MCTP1: variants seen among roughly 807,000 people sequenced by gnomAD.
MCTP1 encodes multiple C2 and transmembrane domain containing 1, also known as multiple C2 and transmembrane domain-containing protein 1.
Under a neutral mutation model 120.6 loss-of-function variants are expected in MCTP1, and 69 were observed. That is an observed-to-expected ratio of 0.57 (90% CI 0.47 to 0.70). MCTP1 has a LOEUF of 0.70. Ranked by LOEUF, MCTP1 falls within the 30% of genes least tolerant of loss-of-function variation. The pLI, the probability that MCTP1 is intolerant of heterozygous loss-of-function variation, is 0.00. For missense variants in MCTP1, 1,203 were observed against 1,248.8 expected, an observed-to-expected ratio of 0.96 and a Z score of 0.55; for synonymous variants, 529 against 493.1, an observed-to-expected ratio of 1.07 and a Z score of -0.96.
chr5:94,776,061 C>A (rs1292690431), intron 19 of MCTP1, among the ~76,000 whole-genome samples: 1 of 150,882 alleles, frequency 6.6e-6, no homozygotes, highest in Non-Finnish European at 1.5e-5. Flanking sequence ...CAACTTTAAC[C>A]AAAGTCTTCC....
At chr5:95,163,172 A>G (rs900146303) in intron 1 of MCTP1, among the ~76,000 whole-genome samples, 2 of 152,196 alleles carry the variant, frequency 1.3e-5, no homozygotes, top group Non-Finnish European at 2.9e-5. Flanking sequence ...AAGATTTAGT[A>G]TAGTGAAGGA....
chr5:94,930,466 G>C (rs1814382329), intron 6 of MCTP1, among the ~76,000 whole-genome samples: 1 of 151,386 alleles, frequency 6.6e-6, no homozygotes, highest in Non-Finnish European at 1.5e-5. Context: ...TAGAGATGGG[G>C]TTTCACCATG....
chr5:94,876,647 A>G (rs1798933214), intron 12 of MCTP1, among the ~76,000 whole-genome samples: 2 of 152,086 alleles, frequency 1.3e-5, no homozygotes, highest in Admixed American at 1.3e-4. Flanking sequence ...CTGAAGCCCC[A>G]TTATTTTGGC....
At chr5:94,914,598 A>G (rs184581602) in intron 8 of MCTP1, among the ~76,000 whole-genome samples, 2 of 152,196 alleles carry the variant, frequency 1.3e-5, no homozygotes, top group East Asian at 1.9e-4. Context: ...GCTCTGCCCT[A>G]TGAATATCAA....
Position 95,141,030 on chromosome 5 carries a change from T to C in MCTP1, c.721-123546A>G, listed in dbSNP as rs141618626. Among the ~76,000 whole-genome samples, 1,499 of 152,280 alleles carry C rather than the reference T, an allele frequency of 9.8e-3. 15 individuals carry two copies. The highest frequency in any genetic ancestry group is 0.027 in the Middle Eastern group (8 of 294). On this transcript the variant is annotated intron_variant, in intron 1 of 22. Transcript: ENST00000515393. ...CCAAGAAACTTGGTGTATCTATCCT[T>C]ATCAAGAATATCATCAGCTCACCTT...
In MCTP1 at chr5:94,918,823, T is replaced by C. The variant is rs17336546; in HGVS notation, c.1273-850A>G. On this transcript the variant is annotated intron_variant, in intron 7 of 22. Coordinates refer to ENST00000515393, the MANE Select transcript of MCTP1 (RefSeq NM_024717.7). ...ATTGTGCAGCTATTACATGCTGCTG[T>C]TTTCGCACTCCAGTGTTTTTCATGA... Among the ~76,000 whole-genome samples, 447 of 152,220 alleles carry C rather than the reference T, an allele frequency of 2.9e-3. 2 individuals are homozygous for C. The highest frequency in any genetic ancestry group is 4.6e-3 in the Non-Finnish European group (310 of 68,014).
chr5:94,804,973 C>A (rs1781995558), intron 17 of MCTP1, among the ~76,000 whole-genome samples: 1 of 151,922 alleles, frequency 6.6e-6, no homozygotes, highest in Non-Finnish European at 1.5e-5. Context: ...TAGATCTTTA[C>A]AAAAATTCAT....
intron 3 of MCTP1, 89 bp downstream of exon 3, chr5:94,953,130 C>T: frequency 1.7e-6 from 2 of 1,207,388 alleles, no homozygotes; most frequent in Non-Finnish European, 2.3e-6. Flanking sequence ...CTGGTGAAAA[C>T]TCTCATCAGA....
chr5:94,983,328 G>A (rs773422028), intron 2 of MCTP1, among the ~76,000 whole-genome samples: 25 of 152,088 alleles, frequency 1.6e-4, no homozygotes, highest in East Asian at 1.9e-4. Flanking sequence ...TTAAGCTTGC[G>A]GAAATTAGTT....
At chr5:94,950,895 C>T (rs200476327) in intron 3 of MCTP1, among the ~76,000 whole-genome samples, 2 of 148,934 alleles carry the variant, frequency 1.3e-5, no homozygotes, top group African/African-American at 5.0e-5. Context: ...TGCAGTGAGC[C>T]GAGATCGTGC....
At chr5:95,002,365 C>T (rs1833902739) in intron 2 of MCTP1, among the ~76,000 whole-genome samples, 1 of 152,146 alleles carries the variant, frequency 6.6e-6, no homozygotes, top group African/African-American at 2.4e-5. Context: ...GTAGATCCAC[C>T]CACAGCTTGC....
intron 1 of MCTP1, among the ~76,000 whole-genome samples, chr5:95,189,751 G>A (rs1452138973): frequency 6.6e-6 from 1 of 152,120 alleles, no homozygotes; most frequent in South Asian, 2.1e-4. Flanking sequence ...TACTGTTAAT[G>A]ATGACTTTTA....
Position 94,959,711 on chromosome 5 carries a change from A to G in MCTP1, c.839-6350T>C, listed in dbSNP as rs1581581164. ...ACAATACCTAGGAATACAATTTAAA[A>G]GAGATGTGAAGGGTGTCTTCAAAGA... On this transcript the variant is annotated intron_variant, in intron 2 of 22. Transcript: ENST00000515393. Among the ~76,000 whole-genome samples the G allele has an allele frequency of 2.6e-5, 4 of 152,348 alleles. No individual in the cohort carries two copies. The South Asian group carries it at 8.3e-4, about 32-fold the overall frequency.
chr5:94,990,206 C>T (rs771707622), intron 2 of MCTP1, among the ~76,000 whole-genome samples: 10 of 152,068 alleles, frequency 6.6e-5, no homozygotes, highest in African/African-American at 1.7e-4. Context: ...GGGTAATTAG[C>T]GTTGAAATTG....
intron 1 of MCTP1, among the ~76,000 whole-genome samples, chr5:95,170,966 G>A (rs1163307052): frequency 6.6e-6 from 1 of 151,566 alleles, no homozygotes; most frequent in East Asian, 1.9e-4. Flanking sequence ...ACGTTAGCTG[G>A]TTATTCTGCT....
chr5:94,881,933 C>A (rs996759424), intron 12 of MCTP1, among the ~76,000 whole-genome samples: 4 of 152,082 alleles, frequency 2.6e-5, no homozygotes, highest in Admixed American at 2.6e-4. Flanking sequence ...ATTCATACCC[C>A]AGCATATTTG....
intron 19 of MCTP1, among the ~76,000 whole-genome samples, chr5:94,719,523 T>G (rs948413296): frequency 1.3e-5 from 2 of 152,142 alleles, no homozygotes; most frequent in Non-Finnish European, 2.9e-5. Flanking sequence ...TGCAGGTACA[T>G]GGATGGAGCT....
At chr5:95,149,804 A>G (rs1760733577) in intron 1 of MCTP1, among the ~76,000 whole-genome samples, 2 of 152,090 alleles carry the variant, frequency 1.3e-5, no homozygotes. Context: ...CTATCAGTCT[A>G]GAAGTCCAGG....
rs150103671 is a variant in MCTP1 at position 95,035,214 on chromosome 5, T to C, written c.721-17730A>G. Among the ~76,000 whole-genome samples, 312 of 152,134 alleles carry C rather than the reference T, an allele frequency of 2.1e-3. 1 individual carries two copies. Among genetic ancestry groups the C allele is most frequent in the African/African-American group, 7.2e-3 (298 of 41,544 alleles). On this transcript the variant is annotated intron_variant, in intron 1 of 22. Coordinates refer to ENST00000515393, the MANE Select transcript of MCTP1 (RefSeq NM_024717.7). Reference sequence around the variant, plus strand: ...CTTCCATTTGACCTAACAATCTTACTACTGGCCATCTACCCGAAGGAAAAA... The same window carrying C: ...CTTCCATTTGACCTAACAATCTTACCACTGGCCATCTACCCGAAGGAAAAA...
Sources: gnomAD v4.1 joint callset for allele counts (sites outside exome capture counted in the v4.1 genomes callset) on GRCh38, gnomAD v4.1.1 for gene constraint, MANE v1.5 for transcripts, NCBI Gene and HGNC (gene_info 2026-07-23, HGNC 2026-07-21) for gene names.